TNFRSF10D: variants seen among roughly 807,000 people sequenced by gnomAD.
TNFRSF10D encodes the protein TNF receptor superfamily member 10d.
Under a neutral mutation model 42.1 loss-of-function variants are expected in TNFRSF10D, and 28 were observed. That is an observed-to-expected ratio of 0.66 (90% CI 0.49 to 0.91). The LOEUF is 0.91. Among genes scored for constraint, TNFRSF10D ranks in the 40% least tolerant of loss-of-function variants. TNFRSF10D has a pLI of 0.00. For missense variants in TNFRSF10D, 503 were observed against 486.1 expected (o/e 1.03, Z -0.33); for synonymous variants, 186 against 189.4 (o/e 0.98, Z 0.15).
At chr8:23,146,902 G>T in intron 4 of TNFRSF10D, 59 bp downstream of exon 4, 1 of 1,375,926 alleles carries the variant, frequency 7.3e-7, no homozygotes, top group Non-Finnish European at 1.0e-6. Flanking sequence ...GAGGTACCAG[G>T]TGAATCAGGT....
intron 7 of TNFRSF10D, among the ~76,000 whole-genome samples, chr8:23,142,667 A>G (rs1800046978): frequency 6.6e-6 from 1 of 152,170 alleles, no homozygotes; most frequent in African/African-American, 2.4e-5. Context: ...AACCTGGATA[A>G]AATCATTCAT....
chr8:23,149,120 G>A (rs1426075839), intron 2 of TNFRSF10D, among the ~76,000 whole-genome samples: 14 of 143,830 alleles, frequency 9.7e-5, no homozygotes, highest in Non-Finnish European at 1.8e-4. Context: ...AACCCGGGAG[G>A]CAGAGCTTGC....
chr8:23,139,220 CAGGAATAATTTA>C (rs553601196), intron 7 of TNFRSF10D, among the ~76,000 whole-genome samples: 102 of 147,782 alleles, frequency 6.9e-4, no homozygotes, highest in Middle Eastern at 3.4e-3. Flanking sequence ...CCATAAGAAA[CAGGAATAATTTA>C]TTTGAAGAGG....
intron 1 of TNFRSF10D, among the ~76,000 whole-genome samples, chr8:23,155,328 C>T (rs1800261526): frequency 1.3e-5 from 2 of 151,450 alleles, no homozygotes. Flanking sequence ...TCTACTACAG[C>T]CTGGAACTTC....
chr8:23,150,637 G>A (rs1426742614), intron 2 of TNFRSF10D, among the ~76,000 whole-genome samples: 1 of 152,126 alleles, frequency 6.6e-6, no homozygotes, highest in African/African-American at 2.4e-5. Flanking sequence ...TAGAGAATAT[G>A]GATAGACAAC....
At chr8:23,163,598 C>G (rs775994092) in intron 1 of TNFRSF10D, among the ~76,000 whole-genome samples, 188 bp downstream of exon 1, 2 of 152,146 alleles carry the variant, frequency 1.3e-5, no homozygotes, top group African/African-American at 4.8e-5. Context: ...TCCCTCGCGG[C>G]CCGGTCGCTC....
chr8:23,151,714 T>A (rs934498565), intron 2 of TNFRSF10D, among the ~76,000 whole-genome samples: 7 of 152,162 alleles, frequency 4.6e-5, no homozygotes, highest in Admixed American at 3.3e-4. Flanking sequence ...TTGTTATCAG[T>A]GTAAAATAAA....
chr8:23,156,439 A>G (rs1348869708), intron 1 of TNFRSF10D, among the ~76,000 whole-genome samples: 636 of 151,480 alleles, frequency 4.2e-3, no homozygotes, highest in African/African-American at 0.013. Context: ...GCTAATGCAC[A>G]TTTCCCAAAT....
intron 7 of TNFRSF10D, among the ~76,000 whole-genome samples, chr8:23,140,143 A>G (rs1055671193): frequency 5.9e-5 from 9 of 152,118 alleles, no homozygotes; most frequent in East Asian, 1.9e-4. Context: ...CAAAAAACTA[A>G]CCAGGCGTGG....
intron 7 of TNFRSF10D, among the ~76,000 whole-genome samples, chr8:23,143,078 G>A (rs1299392770): frequency 6.6e-6 from 1 of 152,042 alleles, no homozygotes; most frequent in African/African-American, 2.4e-5. Flanking sequence ...ACGGGTTCAC[G>A]CCATTCTCCT....
chr8:23,162,508 C>A (rs1465483637), intron 1 of TNFRSF10D, among the ~76,000 whole-genome samples: 1 of 151,598 alleles, frequency 6.6e-6, no homozygotes, highest in Non-Finnish European at 1.5e-5. Flanking sequence ...TTATCCTCCC[C>A]GTTTTGTTTT....
chr8:23,153,848 G>C (rs191394831), intron 2 of TNFRSF10D, among the ~76,000 whole-genome samples: 928 of 152,228 alleles, frequency 6.1e-3, no homozygotes, highest in African/African-American at 0.019. Flanking sequence ...ATAACTATAT[G>C]ATCCAGCAAT....
At chr8:23,141,188 A>G (rs1461228999) in intron 7 of TNFRSF10D, among the ~76,000 whole-genome samples, 2 of 152,202 alleles carry the variant, frequency 1.3e-5, no homozygotes, top group East Asian at 3.9e-4. Context: ...TAATTGAACT[A>G]AAGACCTTCT....
chr8:23,151,072 T>G (rs1050360386), intron 2 of TNFRSF10D, among the ~76,000 whole-genome samples: 2 of 151,734 alleles, frequency 1.3e-5, no homozygotes, highest in Non-Finnish European at 2.9e-5. Flanking sequence ...AAAAAACCCC[T>G]AACAGATAAA....
rs148729873 is a variant in TNFRSF10D at position 23,139,732 on chromosome 8, A to C, written c.955-1472T>G. Among the ~76,000 whole-genome samples, 33 of 152,338 alleles carry C rather than the reference A, an allele frequency of 2.2e-4. No individual in the cohort carries two copies. In the East Asian group the frequency reaches 6.4e-3, roughly 29 times the overall value. ...AAGGCATCCAGATATGAAATGAAGA[A>C]GTGAAAACTCTTCATGGACGATATG... is the stretch of plus-strand genomic sequence containing the variant. On this transcript the variant is annotated intron_variant, in intron 7 of 8. Transcript: ENST00000312584.
chr8:23,159,294 G>GA (rs1384367148), intron 1 of TNFRSF10D, among the ~76,000 whole-genome samples: 1 of 151,384 alleles, frequency 6.6e-6, no homozygotes, highest in Non-Finnish European at 1.5e-5. Flanking sequence ...AAAGGCTACT[G>GA]AAAAACAGCA....
chr8:23,149,357 C>G (rs189320091), intron 2 of TNFRSF10D, among the ~76,000 whole-genome samples: 2 of 151,532 alleles, frequency 1.3e-5, no homozygotes, highest in African/African-American at 2.4e-5. Flanking sequence ...CCTGCCTCAG[C>G]CTCCTGAGTA....
At chr8:23,142,762 A>C (rs1800048533) in intron 7 of TNFRSF10D, among the ~76,000 whole-genome samples, 1 of 152,244 alleles carries the variant, frequency 6.6e-6, no homozygotes, top group Admixed American at 6.5e-5. Flanking sequence ...AAAAATGAAA[A>C]AAAGTTTCCT....
intron 2 of TNFRSF10D, 27 bp downstream of exon 2, chr8:23,154,847 A>T (rs765404839): frequency 6.3e-7 from 1 of 1,585,696 alleles, no homozygotes; most frequent in Admixed American, 1.8e-5. Flanking sequence ...ACTAAAAATA[A>T]ACTGATTTTT....
Sources: allele counts gnomAD v4.1 joint callset (sites outside exome capture counted in the v4.1 genomes callset), GRCh38; gene constraint gnomAD v4.1.1; transcripts MANE v1.5; gene names NCBI Gene and HGNC (gene_info 2026-07-23, HGNC 2026-07-21).